The following CSMD2 variants were observed in gnomAD, a reference collection of about 807,000 sequenced individuals.
The protein encoded by CSMD2 is CUB and sushi domain-containing protein 2.
In CSMD2, 130 loss-of-function variants were observed where a neutral mutation model predicts 398.5. The observed-to-expected ratio is 0.33, with a 90% CI of 0.28 to 0.38. CSMD2 has a LOEUF of 0.38. CSMD2 is among the 10% of genes least tolerant of loss of function. CSMD2 has a pLI of 1.00. For synonymous variants in CSMD2, 1,828 were observed against 1,908.5 expected (o/e 0.96, Z 1.10); for missense variants, 3,829 against 4,764.9 (o/e 0.80, Z 5.78).
intron 1 of CSMD2, among the ~76,000 whole-genome samples, chr1:34,104,964 C>T (rs1660383406): frequency 6.6e-6 from 1 of 152,204 alleles, no homozygotes; most frequent in Non-Finnish European, 1.5e-5. Flanking sequence ...ACCTTCTCAA[C>T]CTAGCAAATC....
intron 1 of CSMD2, among the ~76,000 whole-genome samples, chr1:34,124,505 G>A (rs2148479247): frequency 6.6e-6 from 1 of 152,254 alleles, no homozygotes; most frequent in Non-Finnish European, 1.5e-5. Context: ...GATGATCCAG[G>A]TGACACCCTG....
At position 33,833,269 on chromosome 1, in the gene CSMD2, A is replaced by T. The variant is rs76489643; in HGVS notation, c.1034-7495T>A. 3.5e-4 allele frequency among the ~76,000 whole-genome samples: 25 copies of T among 71,214 alleles called. 1 individual carries two copies. Among genetic ancestry groups the T allele is most frequent in the African/African-American group, 1.7e-3 (22 of 13,230 alleles). The allele number at this position is 71,214 out of a possible 152,430, so 46.7% of individuals were successfully genotyped here. The stretch of plus-strand genomic sequence containing the variant: ...AATCCTCAATAAAATACTGGCAAAC[A>T]GAATCCAGCAGCACATCAAAAAGCT... On this transcript the variant is annotated intron_variant, in intron 6 of 70. Transcript: ENST00000373381.
At chr1:34,113,510 T>C (rs997016997) in intron 1 of CSMD2, among the ~76,000 whole-genome samples, 3 of 152,232 alleles carry the variant, frequency 2.0e-5, no homozygotes, top group African/African-American at 7.2e-5. Context: ...GAGACTTTAT[T>C]ATGGCCCAAC....
intron 13 of CSMD2, among the ~76,000 whole-genome samples, chr1:33,771,143 T>C (rs1407400644): frequency 6.6e-6 from 1 of 152,174 alleles, no homozygotes; most frequent in African/African-American, 2.4e-5. Context: ...CCTGCCTTGT[T>C]TTATCTAGAT....
chr1:33,885,828 G>A (rs1641555792), intron 5 of CSMD2, among the ~76,000 whole-genome samples: 1 of 152,184 alleles, frequency 6.6e-6, no homozygotes, highest in South Asian at 2.1e-4. Flanking sequence ...GGACTGGTGA[G>A]TGGTTAAGAG....
intron 2 of CSMD2, among the ~76,000 whole-genome samples, chr1:34,080,553 G>C (rs1258035776): frequency 6.6e-6 from 1 of 151,846 alleles, no homozygotes; most frequent in Non-Finnish European, 1.5e-5. Context: ...AATTTCTAAA[G>C]TATAAACAAA....
chr1:34,083,188 G>C (rs1384536762), intron 2 of CSMD2, among the ~76,000 whole-genome samples: 1 of 151,814 alleles, frequency 6.6e-6, no homozygotes, highest in Non-Finnish European at 1.5e-5. Flanking sequence ...ATTTGATGAA[G>C]AATGTGTGGT....
chr1:33,864,430 G>A, intron 5 of CSMD2: 1 of 1,614,132 alleles, frequency 6.2e-7, no homozygotes, highest in Non-Finnish European at 8.5e-7. Flanking sequence ...AATTATGTTG[G>A]CAAGAGGAAG....
At chr1:33,554,068 AGGT>A (rs1179239036) in intron 55 of CSMD2, among the ~76,000 whole-genome samples, 2 of 152,210 alleles carry the variant, frequency 1.3e-5, no homozygotes, top group Non-Finnish European at 2.9e-5. Flanking sequence ...TAAAAGTACA[AGGT>A]GAAGCAGCAA....
intron 6 of CSMD2, chr1:33,840,138 T>C (rs1660704872): frequency 6.6e-6 from 1 of 152,218 alleles, no homozygotes; most frequent in Non-Finnish European, 1.5e-5. Flanking sequence ...TAGCATGTTC[T>C]AGTTCCCAGA....
chr1:33,694,413 C>T (rs1215035013), intron 24 of CSMD2, among the ~76,000 whole-genome samples: 1 of 152,018 alleles, frequency 6.6e-6, no homozygotes, highest in Non-Finnish European at 1.5e-5. Context: ...AATTGTAATC[C>T]CCAGATATTG....
At chr1:33,590,338 A>C in intron 44 of CSMD2, among the ~76,000 whole-genome samples, 1 of 128,796 alleles carries the variant, frequency 7.8e-6, no homozygotes, top group Non-Finnish European at 1.6e-5. Flanking sequence ...GGGTTTCAAG[A>C]TATTGCTCAG....
At chr1:33,901,291 A>T (rs1161960779) in intron 5 of CSMD2, among the ~76,000 whole-genome samples, 2 of 152,186 alleles carry the variant, frequency 1.3e-5, no homozygotes, top group African/African-American at 4.8e-5. Flanking sequence ...TTTCCCTTTG[A>T]TGCTGGTGAG....
intron 19 of CSMD2, among the ~76,000 whole-genome samples, chr1:33,721,987 C>T (rs1006586313): frequency 1.3e-5 from 2 of 152,110 alleles, no homozygotes; most frequent in East Asian, 3.8e-4. Flanking sequence ...TTTTACTTAA[C>T]AAAGTATTGC....
chr1:33,649,478 T>C (rs1643640644), intron 28 of CSMD2, among the ~76,000 whole-genome samples: 1 of 152,144 alleles, frequency 6.6e-6, no homozygotes, highest in Non-Finnish European at 1.5e-5. Flanking sequence ...ACCCTGTCTC[T>C]ACTAAAAATA....
At chr1:33,843,567 T>C (rs929299461) in intron 6 of CSMD2, among the ~76,000 whole-genome samples, 5 of 152,146 alleles carry the variant, frequency 3.3e-5, no homozygotes, top group Non-Finnish European at 7.3e-5. Flanking sequence ...CCCTTCCAGG[T>C]CCATTCTTTA....
intron 3 of CSMD2, among the ~76,000 whole-genome samples, chr1:33,968,142 T>G (rs1027902969): frequency 6.6e-6 from 1 of 152,210 alleles, no homozygotes; most frequent in Non-Finnish European, 1.5e-5. Flanking sequence ...AGTCCCACAC[T>G]TCGGGGAGCC....
At chr1:33,793,624 G>A (rs1405004914) in intron 10 of CSMD2, among the ~76,000 whole-genome samples, 1 of 152,206 alleles carries the variant, frequency 6.6e-6, no homozygotes, top group African/African-American at 2.4e-5. Flanking sequence ...GTTTTAAATA[G>A]TGGGTGACAG....
intron 47 of CSMD2, among the ~76,000 whole-genome samples, chr1:33,583,031 G>A (rs968320537): frequency 6.6e-6 from 1 of 152,212 alleles, no homozygotes; most frequent in Non-Finnish European, 1.5e-5. Flanking sequence ...ATAAAGGGAT[G>A]TGGACCATCT....
Sources: allele counts gnomAD v4.1 joint callset (sites outside exome capture counted in the v4.1 genomes callset), GRCh38; gene constraint gnomAD v4.1.1; transcripts MANE v1.5; gene names NCBI Gene and HGNC (gene_info 2026-07-23, HGNC 2026-07-21).